Variants in CP observed in about 807,000 individuals in gnomAD.
CP encodes caeruloplasmin.
CP carries 64 observed loss-of-function variants against 122.4 expected under a neutral mutation model. That is an observed-to-expected ratio of 0.52 (90% confidence interval 0.43 to 0.64). CP has a LOEUF of 0.64. Among genes scored for constraint, CP ranks in the 30% least tolerant of loss-of-function variants. The probability of loss-of-function intolerance (pLI) is 0.00; values close to 1 mark genes in which losing one functional copy is unlikely to be tolerated. For synonymous variants in CP, 440 were observed against 436.4 expected (o/e 1.01, Z -0.10); for missense variants, 1,167 against 1,284.4 (o/e 0.91, Z 1.40).
At chr3:149,186,391 A>C in intron 11 of CP, 129 bp downstream of exon 11, 1 of 864,544 alleles carries the variant, frequency 1.2e-6, no homozygotes, top group Non-Finnish European at 1.9e-6. Context: ...TTGCTCTTTC[A>C]AAGATAGGAA....
chr3:149,186,426 G>A (rs1221175752), intron 11 of CP, 94 bp downstream of exon 11: 2 of 1,192,934 alleles, frequency 1.7e-6, no homozygotes, highest in Non-Finnish European at 2.5e-6. Context: ...CTTGGGGAAG[G>A]GATAAGTTTA....
chr3:149,163,402 CCT>C (rs1559924040), intron 5 of CP, among the ~76,000 whole-genome samples: 1 of 152,150 alleles, frequency 6.6e-6, no homozygotes, highest in Non-Finnish European at 1.5e-5. Flanking sequence ...CCATTTCTGT[CCT>C]AGCTCATTAG....
intron 10 of CP, 37 bp from the exon 11 acceptor site, chr3:149,186,769 T>G: frequency 6.3e-7 from 1 of 1,579,868 alleles, no homozygotes; most frequent in Non-Finnish European, 8.7e-7. Flanking sequence ...GGAAGTGGTT[T>G]AGATTCTACT....
At position 149,186,545 on chromosome 3, in the gene CP, C is replaced by G. The variant is rs775884510; in HGVS notation, c.2052G>C (p.Thr684=). ...TANLFPQTSL[T]LHMWPDTEGT... is the part of the protein sequence containing the mutation. ...CCTCTGTGTCAGGCCACATGTGGAG[C>G]GTAAGACTTGTTTGAGGGAAGAGGT... Residue 684 remains threonine (T), a synonymous_variant, in exon 11 of 19, where the codon ACG becomes ACC. Transcript: ENST00000264613. 5.6e-6 allele frequency: 9 copies of G among 1,614,030 alleles called. No homozygotes were observed. The highest frequency in any genetic ancestry group is 2.2e-5 in the East Asian group (1 of 44,898).
intron 9 of CP, among the ~76,000 whole-genome samples, chr3:149,191,703 C>G (rs1249289440): frequency 6.6e-6 from 1 of 151,942 alleles, no homozygotes; most frequent in Non-Finnish European, 1.5e-5. Context: ...CTATATGAAT[C>G]AGTTGGAAAT....
At position 149,198,447 on chromosome 3, in the gene CP, G is replaced by A. The variant is rs1205270003; in HGVS notation, c.1633C>T (p.Pro545Ser). The change falls in exon 9 of 19, where the codon CCC becomes TCC. Residue 545 changes from proline to serine, a missense_variant. By Grantham distance (74) the Pro-to-Ser change is moderately conservative. Around this residue, in one of 2 missense-constraint regions of CP, gnomAD observed 525 missense variants for 657.2 expected, o/e 0.80. Coordinates refer to ENST00000264613, the MANE Select transcript of CP (RefSeq NM_000096.4). The part of the protein sequence containing the change: ...LAKMYYSAVE[P>S]TKDIFTGLIG... ...AGCCCAGTGAATATATCTTTAGTGG[G>A]TTCCACAGCAGAATAATACATCTTA... 1.2e-6 allele frequency: 2 copies of A among 1,612,246 alleles called. No homozygotes were observed. Among genetic ancestry groups the A allele is most frequent in the South Asian group, 1.1e-5 (1 of 91,038 alleles).
chr3:149,197,870 T>G (rs1484886361), intron 9 of CP, among the ~76,000 whole-genome samples: 1 of 152,208 alleles, frequency 6.6e-6, no homozygotes, highest in African/African-American at 2.4e-5. Context: ...CACTTCCTGC[T>G]GTGCAGCCCA....
At chr3:149,216,807 G>A (rs532302135) in intron 1 of CP, among the ~76,000 whole-genome samples, 124 of 152,052 alleles carry the variant, frequency 8.2e-4, no homozygotes, top group Middle Eastern at 3.4e-3. Context: ...AATGGAATTT[G>A]GTCAGTGTGA....
intron 2 of CP, among the ~76,000 whole-genome samples, chr3:149,211,121 TC>T (rs1728072514): frequency 6.6e-6 from 1 of 152,186 alleles, no homozygotes; most frequent in African/African-American, 2.4e-5. Context: ...ATGTAATTTA[TC>T]CCTAAACAAC....
intron 18 of CP, among the ~76,000 whole-genome samples, chr3:149,175,461 A>G (rs946864614): frequency 6.6e-6 from 1 of 152,186 alleles, no homozygotes; most frequent in African/African-American, 2.4e-5. Flanking sequence ...ATTTACATTT[A>G]TATTTTCTTC....
chr3:149,177,808 G>C, intron 17 of CP, 32 bp downstream of exon 17: 1 of 1,609,288 alleles, frequency 6.2e-7, no homozygotes, highest in Non-Finnish European at 8.5e-7. Context: ...TTTTCAAACA[G>C]AGCAAGAGTA....
Position 149,177,827 on chromosome 3 carries a change from G to GGATA in CP, c.3018+9_3018+12dup, listed in dbSNP as rs1342162840. On this transcript the variant is annotated intron_variant, in intron 17 of 18. Transcript: ENST00000264613. ...CAAACAGAGCAAGAGTAATTGCCAT[G>GGATA]GATAGCTCTTACCTTGTATTGGAAG... 3.1e-6 allele frequency: 5 copies of GGATA among 1,612,394 alleles called. No homozygotes were observed. Among genetic ancestry groups the GGATA allele is most frequent in the Non-Finnish European group, 4.2e-6 (5 of 1,178,592 alleles).
At chr3:149,206,058 T>C (rs1727688202) in intron 6 of CP, 110 bp downstream of exon 6, 2 of 939,732 alleles carry the variant, frequency 2.1e-6, no homozygotes, top group Admixed American at 2.1e-5. Context: ...GCAGTCTAGT[T>C]ACTCAATTTC....
At position 149,185,243 on chromosome 3, in the gene CP, G is replaced by T; in HGVS notation, c.2281C>A (p.Gln761Lys). The change falls in exon 12 of 19, where the codon CAG (glutamine) becomes AAG (lysine). Residue 761 changes from glutamine (Q) to lysine (K), a missense_variant. By Grantham distance (53) the Gln-to-Lys change is moderately conservative. Around this residue, in one of 2 missense-constraint regions of CP, gnomAD observed 525 missense variants for 657.2 expected, o/e 0.80. Transcript: ENST00000264613. ...WEKELHHLQE[Q>K]NVSNAFLDKG... Reference sequence around the variant, plus strand: ...AATCAGAGTCTGGAGAATTACTTCTGCTCTTGTAAATGATGCAGCTCCTTT... The same window carrying T: ...AATCAGAGTCTGGAGAATTACTTCTTCTCTTGTAAATGATGCAGCTCCTTT... The T allele has an allele frequency of 6.2e-7, 1 of 1,612,108 alleles. No individual in the cohort carries two copies. The highest frequency in any genetic ancestry group is 1.1e-5 in the South Asian group (1 of 91,006).
chr3:149,190,208 A>G (rs13084448), intron 9 of CP, among the ~76,000 whole-genome samples: 9,071 of 152,246 alleles, frequency 0.06, 312 homozygotes, highest in African/African-American at 0.074. Context: ...AGGTGGAGAG[A>G]ACCAAAAAAA....
chr3:149,186,821 T>C, intron 10 of CP, 89 bp from the exon 11 acceptor site: 1 of 1,250,162 alleles, frequency 8.0e-7, no homozygotes, highest in Non-Finnish European at 1.2e-6. Context: ...ACTTTGTTTT[T>C]TTAATTTTTA....
At chr3:149,171,195 T>C (rs1278189532), downstream of CP, among the ~76,000 whole-genome samples, 2 of 152,078 alleles carry the variant, frequency 1.3e-5, no homozygotes, top group African/African-American at 4.8e-5. Flanking sequence ...GGAGAATCTC[T>C]TGGACCCAGG....
At position 149,198,562 on chromosome 3, in the gene CP, G is replaced by T; in HGVS notation, c.1518C>A (p.Ala506=). 6.2e-7 allele frequency: 1 copy of T among 1,613,960 alleles called. No individual in the cohort carries two copies. Among genetic ancestry groups the T allele is most frequent in the Non-Finnish European group, 8.5e-7 (1 of 1,179,886 alleles). Residue 506 remains alanine (A), a synonymous_variant, in exon 9 of 19, where the codon GCC becomes GCA. Transcript: ENST00000264613. ...NPQSRSVPPS[A]SHVAPTETFT... ...ATGTTTCTGTGGGTGCCACATGGGA[G>T]GCTGAAGGAGGCACACCTGTGAGAA...
At chr3:149,168,168 T>G, downstream of CP, 1 of 585,068 alleles carries the variant, frequency 1.7e-6, no homozygotes, top group African/African-American at 1.9e-5. Flanking sequence ...TATCTCCTAG[T>G]CACAGAACTG....
Sources: gnomAD v4.1 joint callset for allele counts (sites outside exome capture counted in the v4.1 genomes callset) on GRCh38, gnomAD v4.1.1 for gene constraint, gnomAD v4.1.1 regional missense constraint, MANE v1.5 for transcripts, NCBI Gene and HGNC (gene_info 2026-07-23, HGNC 2026-07-21) for gene names.